PABPN1L: variants seen among roughly 807,000 people sequenced by gnomAD.
The protein encoded by PABPN1L is embryonic polyadenylate-binding protein 2.
Under a neutral mutation model 34.0 loss-of-function variants are expected in PABPN1L, and 45 were observed. The observed-to-expected ratio is 1.32, with a 90% CI of 1.04 to 1.70. The LOEUF (loss-of-function observed/expected upper bound fraction) is 1.70, where lower values mean the gene tolerates loss of function less well. PABPN1L is among the 40% of genes most tolerant of loss of function. PABPN1L has a pLI of 0.00. For missense variants in PABPN1L, 459 were observed against 367.8 expected (o/e 1.25, Z -2.03); for synonymous variants, 182 against 152.1 (o/e 1.20, Z -1.45).
At chr16:88,864,888 GCTCCACGGCGGC>G (rs1968550097) in exon 5 of PABPN1L, 1 of 1,608,990 alleles carries the variant, frequency 6.2e-7, no homozygotes, top group Non-Finnish European at 8.5e-7. Flanking sequence ...CTCTGGTCCA[GCTCCACGGCGGC>G]CTGCACGGAG....
intron 5 of PABPN1L, 62 bp from the exon 6 acceptor site, chr16:88,864,441 C>T (rs1968533874): frequency 6.0e-6 from 9 of 1,494,992 alleles, no homozygotes; most frequent in South Asian, 5.3e-5. Flanking sequence ...CTCACAGCCC[C>T]CGCAGCCCCC....
At chr16:88,869,113 C>T (rs985476870), upstream of PABPN1L, among the ~76,000 whole-genome samples, 8 of 152,172 alleles carry the variant, frequency 5.3e-5, no homozygotes, top group African/African-American at 7.2e-5. Flanking sequence ...GTGTGTGATT[C>T]GGCTCCCAGC....
At chr16:88,869,840 G>C (rs1968665247), upstream of PABPN1L, among the ~76,000 whole-genome samples, 1 of 152,256 alleles carries the variant, frequency 6.6e-6, no homozygotes, top group Non-Finnish European at 1.5e-5. Context: ...GCTCCTGCCA[G>C]CTGCCTGGCA....
exon 7 of PABPN1L, chr16:88,863,714 T>G (rs1968503763): frequency 1.3e-6 from 2 of 1,534,362 alleles, no homozygotes; most frequent in East Asian, 4.9e-5. Flanking sequence ...GGTTTACTCC[T>G]GATCCAGGCC....
chr16:88,865,227 G>A (rs1968561578), intron 3 of PABPN1L, 99 bp from the exon 4 acceptor site: 18 of 1,314,388 alleles, frequency 1.4e-5, no homozygotes, highest in Admixed American at 4.2e-5. Flanking sequence ...GCTGGGCCCC[G>A]TGGCGGGGAT....
At chr16:88,869,220 A>C (rs1011841720), upstream of PABPN1L, among the ~76,000 whole-genome samples, 6 of 152,068 alleles carry the variant, frequency 3.9e-5, no homozygotes, top group Admixed American at 3.3e-4. Context: ...CTGTCACCCC[A>C]TCTGTTCACC....
At chr16:88,866,528 C>T in exon 1 of PABPN1L, 1 of 1,551,232 alleles carries the variant, frequency 6.4e-7, no homozygotes, top group Non-Finnish European at 8.7e-7. Context: ...CAGCCCTGGG[C>T]CTCAGGGTCT....
At chr16:88,864,604 G>C (rs1651978293) in intron 5 of PABPN1L, among the ~76,000 whole-genome samples, 1 of 151,824 alleles carries the variant, frequency 6.6e-6, no homozygotes, top group African/African-American at 2.4e-5. Flanking sequence ...CTGCAGAGGG[G>C]GGGGTCACGG....
upstream of PABPN1L, among the ~76,000 whole-genome samples, chr16:88,868,634 G>A (rs1479754350): frequency 3.3e-5 from 5 of 152,122 alleles, no homozygotes; most frequent in Middle Eastern, 3.4e-3. Context: ...CCCAAAGAGG[G>A]TTTGGAGACT....
upstream of PABPN1L, among the ~76,000 whole-genome samples, chr16:88,869,203 G>T (rs905921228): frequency 6.6e-6 from 1 of 152,214 alleles, no homozygotes; most frequent in African/African-American, 2.4e-5. Flanking sequence ...GCTGACTGAA[G>T]ACCATGCTGT....
At chr16:88,868,330 T>C (rs554688890), upstream of PABPN1L, among the ~76,000 whole-genome samples, 4 of 152,066 alleles carry the variant, frequency 2.6e-5, no homozygotes, top group African/African-American at 9.6e-5. Flanking sequence ...AGGCCGGGCA[T>C]GGTGGCTCAC....
Position 88,865,889 on chromosome 16 carries a change from G to A in PABPN1L, c.308C>T (p.Thr103Met), listed in dbSNP as rs372381429. 2.6e-5 allele frequency: 42 copies of A among 1,609,316 alleles called. No individual in the cohort carries two copies. The highest frequency in any genetic ancestry group is 1.7e-4 in the Middle Eastern group (1 of 5,792). The stretch of plus-strand genomic sequence containing the variant: ...TTGCTGCACTCCTGGAGGCCGTGGC[G>A]TCCCCTCGGCCTGCTCCATGGCACA... The change falls in exon 2 of 7, where the codon ACG becomes ATG. Residue 103 changes from threonine to methionine, a missense_variant. By Grantham distance (81) the Thr-to-Met change is moderately conservative. Coordinates refer to ENST00000419291, the Ensembl canonical transcript of PABPN1L.
intron 5 of PABPN1L, 136 bp downstream of exon 5, chr16:88,864,717 C>T (rs1968545637): frequency 9.6e-7 from 1 of 1,038,856 alleles, no homozygotes; most frequent in Non-Finnish European, 1.4e-6. Context: ...CCGCCACATC[C>T]TGTCCAGGCC....
intron 5 of PABPN1L, 96 bp downstream of exon 5, chr16:88,864,757 T>G (rs1462306334): frequency 7.6e-7 from 1 of 1,321,786 alleles, no homozygotes; most frequent in African/African-American, 1.5e-5. Flanking sequence ...AGACACGCTG[T>G]GCAGAGAGGA....
chr16:88,864,227 A>G lies in PABPN1L; in HGVS notation c.797+10T>C. 2 of 1,520,224 alleles carry G rather than the reference A, an allele frequency of 1.3e-6. No individual in the cohort carries two copies. Among genetic ancestry groups the G allele is most frequent in the Admixed American group, 3.9e-5 (2 of 51,148 alleles). The allele number at this position is 1,520,224 out of a possible 1,614,324, so 94.2% of individuals were successfully genotyped here. A position where few individuals can be genotyped will look rare whatever the true frequency, so the allele number is the denominator to read the frequency against. On this transcript the variant is annotated intron_variant, in intron 6 of 6. Coordinates refer to ENST00000419291, the Ensembl canonical transcript of PABPN1L. ...TCGCCCCCAGGCTGCCCCCACAGGC[A>G]CCCACTCACCGGTTCTGCCCTTGTG...
At chr16:88,863,588 G>A (rs1364161333) in exon 7 of PABPN1L, 2 of 852,934 alleles carry the variant, frequency 2.3e-6, no homozygotes, top group East Asian at 5.3e-5. Flanking sequence ...CACCATACAA[G>A]GCCCTACTGG....
exon 7 of PABPN1L, chr16:88,863,376 C>G: frequency 2.8e-6 from 1 of 361,484 alleles, no homozygotes; most frequent in Non-Finnish European, 5.2e-6. Context: ...TATGCTTCAC[C>G]ATTAAGACAC....
At chr16:88,865,705 C>T in intron 2 of PABPN1L, 75 bp from the exon 3 acceptor site, 2 of 1,555,010 alleles carry the variant, frequency 1.3e-6, no homozygotes, top group East Asian at 2.3e-5. Context: ...GTCGCCCAGG[C>T]TTATAGGGGA....
chr16:88,864,042 G>T (rs1247302077), intron 6 of PABPN1L, among the ~76,000 whole-genome samples, 195 bp downstream of exon 6: 1 of 141,788 alleles, frequency 7.1e-6, no homozygotes, highest in Admixed American at 6.8e-5. Flanking sequence ...AACAAGAAGG[G>T]GTCACCTCTC....
Sources: gnomAD v4.1 joint callset for allele counts (sites outside exome capture counted in the v4.1 genomes callset) on GRCh38, gnomAD v4.1.1 for gene constraint, MANE v1.5 for transcripts, NCBI Gene and HGNC (gene_info 2026-07-23, HGNC 2026-07-21) for gene names.